Variants in BRINP3 observed in about 807,000 individuals in gnomAD.
BRINP3 encodes the protein BMP/retinoic acid-inducible neural-specific protein 3.
BRINP3 carries 19 observed loss-of-function variants against 71.0 expected under a neutral mutation model. The ratio of observed to expected loss-of-function variants is 0.27; its 90% CI spans 0.19 to 0.39. The LOEUF (loss-of-function observed/expected upper bound fraction) is 0.39. Among genes scored for constraint, BRINP3 ranks in the 10% least tolerant of loss-of-function variants. BRINP3 has a pLI of 1.00. For synonymous variants in BRINP3, 380 were observed against 337.7 expected, an observed-to-expected ratio of 1.13 and a Z score of -1.37; for missense variants, 959 against 940.8, an observed-to-expected ratio of 1.02 and a Z score of -0.25.
intron 6 of BRINP3, among the ~76,000 whole-genome samples, chr1:190,175,886 G>C (rs773040011): frequency 1.3e-5 from 2 of 152,160 alleles, no homozygotes; most frequent in Non-Finnish European, 2.9e-5. Flanking sequence ...TAGTGGATCA[G>C]TGTTGAGCTC....
rs758727795 is a variant in BRINP3 at position 190,281,725 on chromosome 1, T to C, written c.262A>G (p.Asn88Asp). The change falls in exon 3 of 8, where the codon AAC (asparagine) becomes GAC (aspartate). Residue 88 changes from asparagine (N) to aspartate (D), a missense_variant. Physicochemically the swap from Asn to Asp is conservative, Grantham distance 23. Coordinates refer to ENST00000367462, the MANE Select transcript of BRINP3 (RefSeq NM_199051.3). ...YREFGRWKVN[N>D]LAVERRNFLG... ...AAATTTCTTCTCTCAACTGCAAGGT[T>C]ATTTACTTTCCAGCGGCCAAACTCC... 1.1e-5 allele frequency: 17 copies of C among 1,610,840 alleles called. No homozygotes were observed. Among genetic ancestry groups the C allele is most frequent in the Non-Finnish European group, 1.4e-5 (17 of 1,178,718 alleles).
At chr1:190,381,148 AC>A (rs1670523920) in intron 2 of BRINP3, among the ~76,000 whole-genome samples, 1 of 152,140 alleles carries the variant, frequency 6.6e-6, no homozygotes, top group African/African-American at 2.4e-5. Flanking sequence ...CTATTCATGC[AC>A]CCATTATAAA....
intron 2 of BRINP3, among the ~76,000 whole-genome samples, chr1:190,326,711 A>G (rs1666598959): frequency 6.6e-6 from 1 of 152,132 alleles, no homozygotes; most frequent in Admixed American, 6.6e-5. Flanking sequence ...TAAGCTTCAT[A>G]AGCAAATAAC....
chr1:190,184,692 C>T (rs1653351852), intron 6 of BRINP3, among the ~76,000 whole-genome samples: 1 of 152,032 alleles, frequency 6.6e-6, no homozygotes, highest in Non-Finnish European at 1.5e-5. Flanking sequence ...ACTTTGGGCA[C>T]TCATGTACAT....
At chr1:190,319,434 T>C (rs1216133628) in intron 2 of BRINP3, among the ~76,000 whole-genome samples, 1 of 152,160 alleles carries the variant, frequency 6.6e-6, no homozygotes, top group Admixed American at 6.6e-5. Context: ...TATTAGAGAA[T>C]AGGCTTCTGT....
chr1:190,226,079 T>C lies in BRINP3; in HGVS notation c.961+3A>G, dbSNP rs769015923. 1.3e-6 allele frequency: 2 copies of C among 1,561,964 alleles called. No individual in the cohort carries two copies. The highest frequency in any genetic ancestry group is 1.7e-6 in the Non-Finnish European group (2 of 1,145,898). On this transcript the variant is annotated splice_donor_region_variant and intron_variant, in intron 6 of 7. Coordinates refer to ENST00000367462, the MANE Select transcript of BRINP3 (RefSeq NM_199051.3). ...AAGTGTTATATTAAAATACATGTCT[T>C]ACCTGATTCCTCAAAGTCACTGTTG...
chr1:190,274,862 G>A (rs1009863486), intron 3 of BRINP3, among the ~76,000 whole-genome samples: 17 of 151,524 alleles, frequency 1.1e-4, no homozygotes, highest in African/African-American at 4.1e-4. Context: ...AGAGAAATAG[G>A]CTTTTGCCAA....
intron 5 of BRINP3, among the ~76,000 whole-genome samples, chr1:190,231,781 C>T (rs1195762061): frequency 6.6e-6 from 1 of 151,782 alleles, no homozygotes; most frequent in South Asian, 2.1e-4. Context: ...CAAAGTCCAT[C>T]TTTTATATAT....
intron 1 of BRINP3, among the ~76,000 whole-genome samples, chr1:190,469,197 A>G (rs1697591): frequency 0.61 from 91,107 of 150,498 alleles, 28,167 homozygotes; most frequent in Non-Finnish European, 0.67. Context: ...TTTTCTTCTA[A>G]ATTACTCCAT....
intron 7 of BRINP3, among the ~76,000 whole-genome samples, chr1:190,155,646 G>A (rs1346977235): frequency 6.6e-6 from 1 of 151,962 alleles, no homozygotes; most frequent in Admixed American, 6.6e-5. Flanking sequence ...ATCTCACCTC[G>A]AATTATAATC....
intron 4 of BRINP3, among the ~76,000 whole-genome samples, chr1:190,253,741 A>C (rs771684566): frequency 6.6e-6 from 1 of 152,088 alleles, no homozygotes; most frequent in Non-Finnish European, 1.5e-5. Flanking sequence ...GTTTAGTCTG[A>C]TAGTAGTTTC....
intron 3 of BRINP3, among the ~76,000 whole-genome samples, chr1:190,277,106 TA>T (rs1386057529): frequency 3.3e-5 from 4 of 119,848 alleles, no homozygotes; most frequent in Non-Finnish European, 7.2e-5. Flanking sequence ...TATATATATA[TA>T]TATATATATA....
chr1:190,117,941 G>A (rs1653288606), intron 7 of BRINP3, among the ~76,000 whole-genome samples: 2 of 151,862 alleles, frequency 1.3e-5, no homozygotes, highest in African/African-American at 4.8e-5. Flanking sequence ...ATTCGATGAT[G>A]TATTCCATGT....
chr1:190,176,873 T>C (rs1652556242), intron 6 of BRINP3, among the ~76,000 whole-genome samples: 1 of 152,152 alleles, frequency 6.6e-6, no homozygotes, highest in South Asian at 2.1e-4. Flanking sequence ...TCTCTGACTT[T>C]GTTTCATGTA....
At chr1:190,282,984 T>A (rs1017113241) in intron 2 of BRINP3, among the ~76,000 whole-genome samples, 15 of 151,942 alleles carry the variant, frequency 9.9e-5, no homozygotes, top group African/African-American at 3.6e-4. Flanking sequence ...GGAAAAGGAC[T>A]GAAGCAGAAT....
chr1:190,475,849 T>C (rs80188142), intron 1 of BRINP3: 4,746 of 152,528 alleles, frequency 0.031, 151 homozygotes, highest in East Asian at 0.16. Context: ...TTTTCTTTTT[T>C]TTTTCCTCCC....
At chr1:190,113,865 C>T (rs949434216) in intron 7 of BRINP3, among the ~76,000 whole-genome samples, 14 of 152,098 alleles carry the variant, frequency 9.2e-5, no homozygotes, top group African/African-American at 3.1e-4. Context: ...TTTTGGAATA[C>T]GTTTTTTTCA....
In BRINP3 at chr1:190,354,666, C is replaced by T. The variant is rs992744836; in HGVS notation, c.237-72916G>A. Among the ~76,000 whole-genome samples, 4 of 151,800 alleles carry T rather than the reference C, an allele frequency of 2.6e-5. No individual in the cohort carries two copies. The South Asian group carries it at 8.3e-4, about 32-fold the overall frequency. On this transcript the variant is annotated intron_variant, in intron 2 of 7. Coordinates refer to ENST00000367462, the MANE Select transcript of BRINP3 (RefSeq NM_199051.3). ...GATTAATTGCCACCCTTTGTACAGT[C>T]GTGATACCTCACTAAATATTTTTTG...
chr1:190,350,882 G>A (rs1191538712), intron 2 of BRINP3, among the ~76,000 whole-genome samples: 1 of 149,738 alleles, frequency 6.7e-6, no homozygotes. Flanking sequence ...GAATGCAATG[G>A]TGCAAACTTG....
Sources: allele counts gnomAD v4.1 joint callset (sites outside exome capture counted in the v4.1 genomes callset), GRCh38; gene constraint gnomAD v4.1.1; transcripts MANE v1.5; gene names NCBI Gene and HGNC (gene_info 2026-07-23, HGNC 2026-07-21).